The following KCNK12 variants were observed in gnomAD, a reference collection of about 807,000 sequenced individuals.
KCNK12 encodes the protein potassium channel subfamily K member 12.
A neutral mutation model predicts 25.3 loss-of-function variants in KCNK12; 6 were observed. The ratio of observed to expected loss-of-function variants is 0.24; its 90% CI spans 0.13 to 0.47. KCNK12 has a LOEUF of 0.47. KCNK12 is among the 20% of genes least tolerant of loss of function. The probability of loss-of-function intolerance (pLI) is 0.99; values close to 1 mark genes in which losing one functional copy is unlikely to be tolerated. For synonymous variants in KCNK12, 331 were observed against 311.1 expected (o/e 1.06, Z -0.67); for missense variants, 444 against 661.7 (o/e 0.67, Z 3.61).
chr2:47,521,128 C>A lies in KCNK12; in HGVS notation c.1072G>T (p.Asp358Tyr). 1 of 1,273,488 alleles carries A rather than the reference C, an allele frequency of 7.9e-7. No homozygotes were observed. Among genetic ancestry groups the A allele is most frequent in the Non-Finnish European group, 9.9e-7 (1 of 1,011,032 alleles). 78.9% of individuals were successfully genotyped at this position (1,273,488 alleles called of 1,614,324 possible). Residue 358 changes from aspartate to tyrosine, a missense_variant, in exon 2 of 2, where the codon GAC becomes TAC. This residue lies in a region of KCNK12 where 69 missense variants were observed against 81.7 expected (regional missense o/e 0.84). Transcript: ENST00000327876. ...LGADPAARDSDAEGRRLSGEL... is the reference protein window; with the variant it reads ...LGADPAARDSYAEGRRLSGEL... ...CCCGAGAGGCGGCGGCCCTCGGCGT[C>A]GCTGTCGCGGGCCGCGGGGTCGGCA... is the stretch of plus-strand genomic sequence containing the variant.
Position 47,560,169 on chromosome 2 carries a change from T to C in KCNK12, c.391+9772A>G, listed in dbSNP as rs1052313633. On this transcript the variant is annotated intron_variant, in intron 1 of 1. Coordinates refer to ENST00000327876, the MANE Select transcript of KCNK12 (RefSeq NM_022055.2). The surrounding 1 kb of genome is among the most constrained non-coding windows in gnomAD (Gnocchi z 4.7). ...TTTTTTTGGTTTTCTGTCCCGCCTG[T>C]CCATGCCCACTGCAGCTGTTTCCAG... Among the ~76,000 whole-genome samples, 1 of 152,186 alleles carries C rather than the reference T, an allele frequency of 6.6e-6. No homozygotes were observed. Among genetic ancestry groups the C allele is most frequent in the Non-Finnish European group, 1.5e-5 (1 of 68,032 alleles).
chr2:47,557,256 A>T lies in KCNK12; in HGVS notation c.391+12685T>A, dbSNP rs1211803834. 6.6e-6 allele frequency among the ~76,000 whole-genome samples: 1 copy of T among 152,104 alleles called. No individual in the cohort carries two copies. The highest frequency in any genetic ancestry group is 1.9e-4 in the East Asian group (1 of 5,192). On this transcript the variant is annotated intron_variant, in intron 1 of 1. Transcript: ENST00000327876. The surrounding 1 kb of genome is among the most constrained non-coding windows in gnomAD (Gnocchi z 4.9). ...AATGGATTAATGTCATCATCACTGG[A>T]GTGGGTTGGTTATTGCGGGAGTGGG...
At position 47,520,090 on chromosome 2, in the gene KCNK12, A is replaced by C. The variant is rs1238874967; in HGVS notation, c.*817T>G. On this transcript the variant is annotated 3_prime_UTR_variant, in exon 2 of 2. Coordinates refer to ENST00000327876, the MANE Select transcript of KCNK12 (RefSeq NM_022055.2). This position sits in a 1 kb window ranked among gnomAD's most constrained non-coding sequence, Gnocchi z 5.0. The stretch of plus-strand genomic sequence containing the variant: ...TGCTGTGGATGAGCTTGTGAAAGAA[A>C]GGACGGTTGGGGGATTCAAGATCTG... 1.3e-5 allele frequency: 2 copies of C among 152,246 alleles called. No individual in the cohort carries two copies. Among genetic ancestry groups the C allele is most frequent in the Non-Finnish European group, 2.9e-5 (2 of 68,048 alleles). 9.4% of individuals were successfully genotyped at this position (152,246 alleles called of 1,614,324 possible).
chr2:47,533,868 G>A lies in KCNK12; in HGVS notation c.392-12060C>T, dbSNP rs1047558024. On this transcript the variant is annotated intron_variant, in intron 1 of 1. Transcript: ENST00000327876. This position sits in a 1 kb window ranked among gnomAD's most constrained non-coding sequence, Gnocchi z 4.7. Reference sequence around the variant, plus strand: ...GGTTTTCTTCCCTCCGAAGCCAGGCGTGGGGTGGGAGCATCCAGTGCACCC... The same window carrying A: ...GGTTTTCTTCCCTCCGAAGCCAGGCATGGGGTGGGAGCATCCAGTGCACCC... 4.6e-5 allele frequency among the ~76,000 whole-genome samples: 7 copies of A among 152,248 alleles called. No individual in the cohort carries two copies. The highest frequency in any genetic ancestry group is 2.1e-4 in the South Asian group (1 of 4,826).
At chr2:47,564,710 A>G (rs1034217666) in intron 1 of KCNK12, 1 of 174,964 alleles carries the variant, frequency 5.7e-6, no homozygotes, top group East Asian at 1.0e-4. Flanking sequence ...CATATAATAA[A>G]TATTGTTTAC....
intron 1 of KCNK12, chr2:47,535,070 G>A (rs766306423): frequency 2.1e-4 from 49 of 229,714 alleles, no homozygotes; most frequent in Non-Finnish European, 3.8e-4. Flanking sequence ...CCTCGGGGAC[G>A]ACTCAATGCA....
chr2:47,565,329 G>A lies in KCNK12; in HGVS notation c.391+4612C>T, dbSNP rs1669769086. On this transcript the variant is annotated intron_variant, in intron 1 of 1. Transcript: ENST00000327876. This position sits in a 1 kb window ranked among gnomAD's most constrained non-coding sequence, Gnocchi z 5.0. ...GGTAGTGACATTTTGGGCTTATAAT[G>A]TCTTAGTTTCCTTTGTAGCAAAAAG... 1 of 152,200 alleles carries A rather than the reference G, an allele frequency of 6.6e-6. No homozygotes were observed. The highest frequency in any genetic ancestry group is 6.5e-5 in the Admixed American group (1 of 15,284). The allele number at this position is 152,200 out of a possible 1,614,324, so 9.4% of individuals were successfully genotyped here.
In KCNK12 at chr2:47,516,556, C is replaced by G. The variant is rs1481883220; in HGVS notation, c.*4351G>C. On this transcript the variant is annotated 3_prime_UTR_variant, in exon 2 of 2. Transcript: ENST00000327876. The stretch of plus-strand genomic sequence containing the variant: ...TGGGGAGGCAGGCGGCTCTGACAGA[C>G]AGAAAGCAAACAGCTCAGAGGGGTG... 1.3e-5 allele frequency: 2 copies of G among 152,224 alleles called. No homozygotes were observed. The highest frequency in any genetic ancestry group is 2.9e-5 in the Non-Finnish European group (2 of 68,078). The allele number at this position is 152,224 out of a possible 1,614,324, so 9.4% of individuals were successfully genotyped here.
chr2:47,524,057 G>A (rs1164986370), intron 1 of KCNK12, among the ~76,000 whole-genome samples: 3 of 152,054 alleles, frequency 2.0e-5, no homozygotes, highest in South Asian at 4.2e-4. Flanking sequence ...TTGATCTTAC[G>A]CTTAATGACT....
At chr2:47,522,668 A>AG (rs1668684234) in intron 1 of KCNK12, among the ~76,000 whole-genome samples, 1 of 152,242 alleles carries the variant, frequency 6.6e-6, no homozygotes, top group Admixed American at 6.5e-5. Flanking sequence ...CTAATGGCAG[A>AG]GAAAGGACCA....
chr2:47,564,122 G>A, intron 1 of KCNK12: 1 of 231,826 alleles, frequency 4.3e-6, no homozygotes. Context: ...TGTTCGGGAG[G>A]CAGCTCACCT....
chr2:47,543,788 A>G (rs1039537907), intron 1 of KCNK12: 4 of 152,236 alleles, frequency 2.6e-5, no homozygotes, highest in Admixed American at 2.0e-4. Context: ...CACTGTCACT[A>G]TAATTCTGGA....
In KCNK12 at chr2:47,521,261, C is replaced by T. The variant is rs1470252420; in HGVS notation, c.939G>A (p.Leu313=). ...KQVLNWMLRK[L]SCRCCARCCP... is the part of the protein sequence containing the mutation. ...AGCAGCGCGCGCAGCAGCGGCAGCT[C>T]AGCTTGCGCAGCATCCAGTTGAGCA... The change falls in exon 2 of 2, where the codon CTG becomes CTA. Residue 313 remains leucine (L), a synonymous_variant. Transcript: ENST00000327876. 6.2e-6 allele frequency: 10 copies of T among 1,608,682 alleles called. No individual in the cohort carries two copies. The highest frequency in any genetic ancestry group is 8.5e-6 in the Non-Finnish European group (10 of 1,178,324).
chr2:47,544,519 T>C (rs555966039), intron 1 of KCNK12, among the ~76,000 whole-genome samples: 1 of 152,266 alleles, frequency 6.6e-6, no homozygotes, highest in Non-Finnish European at 1.5e-5. Flanking sequence ...TCGTGTGTAC[T>C]TTCTTGTCTA....
At position 47,513,375 on chromosome 2, in the gene KCNK12, A is replaced by T. The variant is rs765739530; in HGVS notation, c.*7532T>A. The T allele has an allele frequency of 6.6e-6, 1 of 152,108 alleles. No individual in the cohort carries two copies. The highest frequency in any genetic ancestry group is 1.5e-5 in the Non-Finnish European group (1 of 68,024). 9.4% of individuals were successfully genotyped at this position (152,108 alleles called of 1,614,324 possible). ...GCACTTGGCACTTATTCCTTCTTGA[A>T]ACCCTTGTTTCCCTTGGCTTTGTGG... On this transcript the variant is annotated 3_prime_UTR_variant, in exon 2 of 2. Coordinates refer to ENST00000327876, the MANE Select transcript of KCNK12 (RefSeq NM_022055.2).
intron 1 of KCNK12, among the ~76,000 whole-genome samples, chr2:47,535,767 A>G (rs1158211670): frequency 6.6e-6 from 1 of 152,040 alleles, no homozygotes; most frequent in Non-Finnish European, 1.5e-5. Context: ...CAGAGAATGC[A>G]ACTGTGATTT....
intron 1 of KCNK12, among the ~76,000 whole-genome samples, chr2:47,526,088 T>TAAC (rs565617724): frequency 0.017 from 2,587 of 151,878 alleles, 37 homozygotes; most frequent in Non-Finnish European, 0.026. Flanking sequence ...GGTACTTAAT[T>TAAC]AACAACAACA....
intron 1 of KCNK12, chr2:47,564,932 C>A (rs1291194178): frequency 6.6e-6 from 1 of 151,924 alleles, no homozygotes; most frequent in Non-Finnish European, 1.5e-5. Flanking sequence ...CGCTGAAAGG[C>A]TGGGGTAGCA....
At chr2:47,559,628 T>C (rs1443482804) in intron 1 of KCNK12, among the ~76,000 whole-genome samples, 2 of 152,242 alleles carry the variant, frequency 1.3e-5, no homozygotes. Context: ...TACTAAGATG[T>C]AGCTTCTGAG....
Sources: allele counts gnomAD v4.1 joint callset (sites outside exome capture counted in the v4.1 genomes callset), GRCh38; gene constraint gnomAD v4.1.1; regional missense constraint gnomAD v4.1.1; non-coding constraint Gnocchi (gnomAD v3.1); transcripts MANE v1.5; gene names NCBI Gene and HGNC (gene_info 2026-07-23, HGNC 2026-07-21).